Variants in LCLAT1 observed in about 807,000 individuals in gnomAD.
The protein encoded by LCLAT1 is 1-AGP acyltransferase 8.
A neutral mutation model predicts 30.7 loss-of-function variants in LCLAT1; 11 were observed. The observed-to-expected ratio is 0.36, with a 90% CI of 0.23 to 0.59. The LOEUF (loss-of-function observed/expected upper bound fraction) is 0.59, where lower values mean the gene tolerates loss of function less well. Among genes scored for constraint, LCLAT1 ranks in the 20% least tolerant of loss-of-function variants. LCLAT1 has a pLI of 0.77. For missense variants in LCLAT1, 402 were observed against 458.6 expected (o/e 0.88, Z 1.13); for synonymous variants, 155 against 151.3 (o/e 1.02, Z -0.18).
intron 3 of LCLAT1, among the ~76,000 whole-genome samples, chr2:30,534,284 G>A (rs560284645): frequency 4.0e-4 from 54 of 133,574 alleles, no homozygotes; most frequent in African/African-American, 1.4e-3. Context: ...TTTGGGAGAC[G>A]GAGTCTCTCT....
chr2:30,639,349 ACTGT>A (rs1189437590), intron 5 of LCLAT1, among the ~76,000 whole-genome samples: 2 of 150,482 alleles, frequency 1.3e-5, no homozygotes, highest in Non-Finnish European at 3.0e-5. Context: ...GTCTTACTTG[ACTGT>A]CTATCTCCAG....
chr2:30,501,293 A>AC (rs1684374239), intron 1 of LCLAT1, among the ~76,000 whole-genome samples: 1 of 151,978 alleles, frequency 6.6e-6, no homozygotes, highest in Non-Finnish European at 1.5e-5. Flanking sequence ...CCTAGACCAA[A>AC]CCCCCAGTGC....
At chr2:30,527,354 G>A (rs552839371) in intron 2 of LCLAT1, among the ~76,000 whole-genome samples, 1 of 152,228 alleles carries the variant, frequency 6.6e-6, no homozygotes, top group Non-Finnish European at 1.5e-5. Context: ...AAGATTTTTT[G>A]TAACAGTCAT....
intron 5 of LCLAT1, among the ~76,000 whole-genome samples, chr2:30,613,548 CACAG>C (rs924166794): frequency 1.3e-5 from 2 of 149,112 alleles, no homozygotes; most frequent in Middle Eastern, 3.2e-3. Flanking sequence ...AAGAAAAAGA[CACAG>C]AGACAAAGTA....
chr2:30,461,770 C>CCTGTTTTT, intron 1 of LCLAT1, among the ~76,000 whole-genome samples: 1 of 131,806 alleles, frequency 7.6e-6, no homozygotes, highest in East Asian at 2.3e-4. Flanking sequence ...CTAAATTAAA[C>CCTGTTTTT]TTTTTTTTTT....
At chr2:30,450,976 A>G (rs1258462073) in intron 1 of LCLAT1, among the ~76,000 whole-genome samples, 3 of 142,342 alleles carry the variant, frequency 2.1e-5, no homozygotes, top group Non-Finnish European at 4.7e-5. Context: ...CCAAGGACTC[A>G]TACCGTGTGT....
chr2:30,561,759 G>A (rs1235348066), intron 3 of LCLAT1, among the ~76,000 whole-genome samples: 1 of 152,142 alleles, frequency 6.6e-6, no homozygotes, highest in African/African-American at 2.4e-5. Flanking sequence ...TTACTGCTCT[G>A]TAAGCTGTCA....
rs549868450 is a variant in LCLAT1, at chr2:30,466,950, T to A, written c.-5+19567T>A. ...TGCAAAATTTATTTTTTATTTTTTT[T>A]AAATTATACTTTAAGTTCTAGGGTG... On this transcript the variant is annotated intron_variant, in intron 1 of 5. Coordinates refer to ENST00000379509, the MANE Select transcript of LCLAT1 (RefSeq NM_001002257.3). 1.1e-3 allele frequency among the ~76,000 whole-genome samples: 160 copies of A among 152,328 alleles called. 1 individual carries two copies. The highest frequency in any genetic ancestry group is 2.0e-3 in the Non-Finnish European group (139 of 68,028).
intron 3 of LCLAT1, among the ~76,000 whole-genome samples, chr2:30,549,902 C>G (rs1226097186): frequency 6.6e-6 from 1 of 152,126 alleles, no homozygotes; most frequent in East Asian, 1.9e-4. Flanking sequence ...GAGTGTTACA[C>G]TGTTGTGTAA....
chr2:30,592,788 A>C (rs1454979799), intron 5 of LCLAT1, among the ~76,000 whole-genome samples: 1 of 152,228 alleles, frequency 6.6e-6, no homozygotes, highest in Non-Finnish European at 1.5e-5. Context: ...CTTATTTTAA[A>C]AATTGTTACT....
intron 1 of LCLAT1, among the ~76,000 whole-genome samples, chr2:30,514,787 ACT>A (rs764053713): frequency 2.6e-5 from 4 of 152,074 alleles, no homozygotes; most frequent in Non-Finnish European, 4.4e-5. Flanking sequence ...AGTCCCATGC[ACT>A]CTCTGTTTGG....
intron 3 of LCLAT1, among the ~76,000 whole-genome samples, chr2:30,534,232 TG>T (rs1322971905): frequency 3.0e-5 from 2 of 66,494 alleles, no homozygotes; most frequent in Non-Finnish European, 6.1e-5. Context: ...TGTGTGTGTG[TG>T]TGTGTGTGTG....
intron 5 of LCLAT1, among the ~76,000 whole-genome samples, chr2:30,571,675 AAGAC>A (rs771535122): frequency 4.6e-5 from 7 of 152,296 alleles, no homozygotes; most frequent in East Asian, 3.9e-4. Flanking sequence ...GCAAGGAAGA[AAGAC>A]AGACAAATTA....
intron 5 of LCLAT1, among the ~76,000 whole-genome samples, chr2:30,632,081 T>G (rs1160471083): frequency 6.6e-6 from 1 of 152,146 alleles, no homozygotes; most frequent in Non-Finnish European, 1.5e-5. Context: ...ACACAAACAG[T>G]GCAACAGATT....
At chr2:30,489,590 G>T (rs1683737962) in intron 1 of LCLAT1, among the ~76,000 whole-genome samples, 1 of 152,194 alleles carries the variant, frequency 6.6e-6, no homozygotes, top group Admixed American at 6.5e-5. Context: ...CTGACCTCGT[G>T]ATCTGCCCGC....
intron 1 of LCLAT1, among the ~76,000 whole-genome samples, chr2:30,482,009 A>G (rs1159142941): frequency 2.6e-5 from 4 of 152,328 alleles, no homozygotes; most frequent in East Asian, 1.9e-4. Flanking sequence ...TGAGTATTCA[A>G]TCTGTTAACT....
intron 1 of LCLAT1, among the ~76,000 whole-genome samples, chr2:30,481,513 A>C (rs1325392804): frequency 6.6e-6 from 1 of 152,212 alleles, no homozygotes; most frequent in Admixed American, 6.5e-5. Flanking sequence ...CCGATGTCAG[A>C]AGAAAACCTG....
At chr2:30,598,701 AGT>A (rs1274867534) in intron 5 of LCLAT1, among the ~76,000 whole-genome samples, 3 of 151,200 alleles carry the variant, frequency 2.0e-5, no homozygotes, top group Non-Finnish European at 4.4e-5. Context: ...CTAGCTTTGG[AGT>A]GTGTTTGCTC....
intron 1 of LCLAT1, among the ~76,000 whole-genome samples, chr2:30,497,316 T>G (rs1684166127): frequency 6.6e-6 from 1 of 152,192 alleles, no homozygotes; most frequent in Non-Finnish European, 1.5e-5. Context: ...ATTAATTATG[T>G]GGAATTTTCG....
Sources: allele counts gnomAD v4.1 joint callset (sites outside exome capture counted in the v4.1 genomes callset), GRCh38; gene constraint gnomAD v4.1.1; transcripts MANE v1.5; gene names NCBI Gene and HGNC (gene_info 2026-07-23, HGNC 2026-07-21).